Variants in GON4L observed in about 807,000 individuals in gnomAD.
The protein encoded by GON4L is GON-4-like protein.
In GON4L, 87 loss-of-function variants were observed where a neutral mutation model predicts 211.8. The ratio of observed to expected loss-of-function variants is 0.41; its 90% CI spans 0.35 to 0.49. GON4L has a LOEUF of 0.49. Among genes scored for constraint, GON4L ranks in the 20% least tolerant of loss-of-function variants. The pLI, the probability that GON4L is intolerant of heterozygous loss-of-function variation, is 0.15. For missense variants in GON4L, 2,155 were observed against 2,659.5 expected (o/e 0.81, Z 4.17); for synonymous variants, 875 against 962.6 (o/e 0.91, Z 1.68).
chr1:155,833,735 G>GA (rs1194618353), intron 2 of GON4L, among the ~76,000 whole-genome samples: 2 of 27,522 alleles, frequency 7.3e-5, no homozygotes, highest in Non-Finnish European at 3.3e-4. Flanking sequence ...GTGGGGAGGA[G>GA]AGGGGAGGAG....
At position 155,752,534 on chromosome 1, in the gene GON4L, G is replaced by A. The variant is rs1157898084; in HGVS notation, c.5899C>T (p.Arg1967Trp). The A allele has an allele frequency of 6.9e-6, 11 of 1,603,010 alleles. No homozygotes were observed. The highest frequency in any genetic ancestry group is 2.2e-5 in the East Asian group (1 of 44,554). ...GGTGGTGGGCCATCCAGGAGGAGCC[G>A]TTCTGTAACAGTCACTTCTCGAGGG... ...PSPREVTVTERLLLDGPPPHS... is the reference protein window; with the variant it reads ...PSPREVTVTEWLLLDGPPPHS... Residue 1967 changes from arginine (R) to tryptophan (W), a missense_variant, in exon 30 of 32, where the codon CGG (arginine) becomes TGG (tryptophan). This residue lies in a region of GON4L where 455 missense variants were observed against 504.6 expected (regional missense o/e 0.90). Transcript: ENST00000368331.
At chr1:155,851,923 G>C (rs1671832230) in intron 2 of GON4L, among the ~76,000 whole-genome samples, 1 of 152,086 alleles carries the variant, frequency 6.6e-6, no homozygotes, top group Admixed American at 6.6e-5. Context: ...CCAGCACTTT[G>C]GGAGGCCAAG....
Position 155,795,059 on chromosome 1 carries a change from T to G in GON4L, c.1738A>C (p.Arg580=), listed in dbSNP as rs1407251365. The G allele has an allele frequency of 2.5e-6, 4 of 1,575,430 alleles. No homozygotes were observed. In the South Asian group the frequency reaches 4.4e-5, roughly 17 times the overall value. Residue 580 remains arginine (R), a synonymous_variant, in exon 12 of 32, where the codon AGA becomes CGA. Transcript: ENST00000368331. ...TEDFRTDRAV[R]ITKKEVNELM... ...ATAAACACAGACTCACTGGTGATTC[T>G]CACTGCCCGGTCAGTCCGGAAATCC... is the stretch of plus-strand genomic sequence containing the variant.
chr1:155,816,815 G>A (rs542750368), intron 6 of GON4L, among the ~76,000 whole-genome samples: 50 of 133,304 alleles, frequency 3.8e-4, no homozygotes, highest in Non-Finnish European at 6.6e-4. Flanking sequence ...AGGGCATTTA[G>A]GGCAAAGTTT....
Position 155,765,299 on chromosome 1 carries a change from A to G in GON4L, c.4174T>C (p.Ser1392Pro), listed in dbSNP as rs1473294605. 5.0e-6 allele frequency: 8 copies of G among 1,614,078 alleles called. No homozygotes were observed. The highest frequency in any genetic ancestry group is 1.6e-4 in the Middle Eastern group (1 of 6,084). ...CCTTCATCAGGGGGCTCTTGAGAAG[A>G]TGAAGGGGTTTTAGTTGGCTGACTC... ...ERSQPTKTPS[S>P]SQEPPDEGTS... The change falls in exon 21 of 32, where the codon TCT becomes CCT. Residue 1392 changes from serine (S) to proline (P), a missense_variant. This residue lies in a region of GON4L where 615 missense variants were observed against 625.7 expected (regional missense o/e 0.98). Coordinates refer to ENST00000368331, the MANE Select transcript of GON4L (RefSeq NM_001282860.2).
intron 13 of GON4L, chr1:155,785,021 G>C (rs1664804076): frequency 4.9e-6 from 2 of 408,150 alleles, no homozygotes. Flanking sequence ...GACTGCTTGA[G>C]CCTAGAAGGT....
chr1:155,766,586 A>T lies in GON4L; in HGVS notation c.2887T>A (p.Leu963Met), dbSNP rs1327914065. 1.2e-6 allele frequency: 2 copies of T among 1,613,242 alleles called. No homozygotes were observed. Among genetic ancestry groups the T allele is most frequent in the Non-Finnish European group, 1.7e-6 (2 of 1,179,822 alleles). The change falls in exon 21 of 32, where the codon TTG becomes ATG. Residue 963 changes from leucine (L) to methionine (M), a missense_variant. Leu to Met is a conservative substitution (Grantham distance 15). Around this residue, in one of 6 missense-constraint regions of GON4L, gnomAD observed 615 missense variants for 625.7 expected, o/e 0.98. Transcript: ENST00000368331. ...DRSLEKDNLE[L>M]GSESRYPLLL... ...AGTGGGTACCGAGATTCACTCCCCAACTCCAAATTGTCTTTTTCTAGGCTT... is the reference window on the plus strand; with the variant it reads ...AGTGGGTACCGAGATTCACTCCCCATCTCCAAATTGTCTTTTTCTAGGCTT...
intron 1 of GON4L, among the ~76,000 whole-genome samples, chr1:155,855,720 C>T (rs1027574012): frequency 3.3e-5 from 5 of 152,056 alleles, no homozygotes; most frequent in African/African-American, 1.2e-4. Context: ...CAGTGGCTCA[C>T]GCCTGTAATC....
At chr1:155,831,426 GGCTACA>G (rs1347447199) in intron 2 of GON4L, 1 of 151,350 alleles carries the variant, frequency 6.6e-6, no homozygotes, top group African/African-American at 2.4e-5. Context: ...CTCTAGCGTG[GGCTACA>G]GAGTAAGACT....
chr1:155,762,595 T>C (rs1420338937), intron 22 of GON4L, among the ~76,000 whole-genome samples: 3 of 152,264 alleles, frequency 2.0e-5, no homozygotes. Flanking sequence ...GATAATCAGC[T>C]ACTTCATATT....
In GON4L at chr1:155,753,475, C is replaced by A. The variant is rs2101623200; in HGVS notation, c.5632-61G>T. 5.5e-6 allele frequency: 7 copies of A among 1,277,664 alleles called. No homozygotes were observed. In the East Asian group the frequency reaches 1.4e-4, roughly 25 times the overall value. The allele number at this position is 1,277,664 out of a possible 1,614,324, so 79.1% of individuals were successfully genotyped here. On this transcript the variant is annotated intron_variant, in intron 28 of 31. Coordinates refer to ENST00000368331, the MANE Select transcript of GON4L (RefSeq NM_001282860.2). ...ACTGCCTATGTCTTTGGTTGGGGCC[C>A]ACCAAAGGAAGAAGCCCTGCCTGAT...
intron 11 of GON4L, among the ~76,000 whole-genome samples, chr1:155,796,660 TTATA>T (rs1391678818): frequency 6.6e-6 from 1 of 152,156 alleles, no homozygotes; most frequent in Non-Finnish European, 1.5e-5. Context: ...TATGGAATTA[TTATA>T]TATTAAGGTA....
intron 18 of GON4L, 42 bp downstream of exon 18, chr1:155,773,024 T>C (rs760401125): frequency 3.7e-6 from 6 of 1,609,796 alleles, no homozygotes; most frequent in Non-Finnish European, 5.1e-6. Context: ...ATCTTCTCCT[T>C]GGGATGTTCT....
Position 155,773,226 on chromosome 1 carries a change from T to A in GON4L, c.2351-16A>T. ...AATTCATTCGCTATAAGAAAATAAA[T>A]CTCGGATAAATCAACTTCTAGGACA... On this transcript the variant is annotated splice_polypyrimidine_tract_variant and intron_variant, in intron 17 of 31. Transcript: ENST00000368331. 1 of 1,613,852 alleles carries A rather than the reference T, an allele frequency of 6.2e-7. No individual in the cohort carries two copies. Among genetic ancestry groups the A allele is most frequent in the Non-Finnish European group, 8.5e-7 (1 of 1,179,870 alleles).
At chr1:155,847,890 A>G (rs1180202828) in intron 2 of GON4L, among the ~76,000 whole-genome samples, 3 of 151,726 alleles carry the variant, frequency 2.0e-5, no homozygotes, top group African/African-American at 7.3e-5. Flanking sequence ...AATAAACAAT[A>G]AATAAATATA....
At chr1:155,776,559 T>C (rs1167798573) in intron 15 of GON4L, 78 bp from the exon 16 acceptor site, 8 of 1,163,604 alleles carry the variant, frequency 6.9e-6, no homozygotes, top group East Asian at 4.7e-5. Context: ...CTTTTTTTTT[T>C]TTCTTCTTGG....
At chr1:155,797,278 C>G (rs776212813) in intron 11 of GON4L, among the ~76,000 whole-genome samples, 3 of 151,834 alleles carry the variant, frequency 2.0e-5, no homozygotes, top group Non-Finnish European at 4.4e-5. Flanking sequence ...CCATGCCCAG[C>G]TAATTTTTAT....
intron 11 of GON4L, among the ~76,000 whole-genome samples, chr1:155,799,253 G>T (rs1477430405): frequency 6.6e-6 from 1 of 152,168 alleles, no homozygotes; most frequent in African/African-American, 2.4e-5. Context: ...TGACCAATAT[G>T]GTGAAACCCC....
chr1:155,799,776 T>C (rs1260541704), intron 11 of GON4L, among the ~76,000 whole-genome samples: 1 of 152,190 alleles, frequency 6.6e-6, no homozygotes, highest in East Asian at 1.9e-4. Flanking sequence ...TCCCAATAGC[T>C]ACCATCTTAG....
Sources: gnomAD v4.1 joint callset for allele counts (sites outside exome capture counted in the v4.1 genomes callset) on GRCh38, gnomAD v4.1.1 for gene constraint, gnomAD v4.1.1 regional missense constraint, MANE v1.5 for transcripts, NCBI Gene and HGNC (gene_info 2026-07-23, HGNC 2026-07-21) for gene names.